SAMD5: variants seen among roughly 807,000 people sequenced by gnomAD.
SAMD5 encodes the protein sterile alpha motif domain-containing protein 5.
A neutral mutation model predicts 11.3 loss-of-function variants in SAMD5; 13 were observed. The ratio of observed to expected loss-of-function variants is 1.15; its 90% confidence interval spans 0.75 to 1.83. SAMD5 has a LOEUF of 1.83. SAMD5 is among the 40% of genes most tolerant of loss of function. The pLI, the probability that SAMD5 is intolerant of heterozygous loss-of-function variation, is 0.00. For missense variants in SAMD5, 255 were observed against 239.1 expected (o/e 1.07, Z -0.44); for synonymous variants, 129 against 111.3 (o/e 1.16, Z -1.00).
At chr6:147,909,805 C>G in the SAMD5 span, among the ~76,000 whole-genome samples, 2 of 151,944 alleles carry the variant, frequency 1.3e-5, no homozygotes, top group African/African-American at 4.8e-5. Context: ...CTATCCAGCT[C>G]TTTAGAGAAA....
At chr6:147,795,834 T>C in the SAMD5 span, among the ~76,000 whole-genome samples, 1 of 152,090 alleles carries the variant, frequency 6.6e-6, no homozygotes. Context: ...GAGCATTTTT[T>C]CATGTGTTTT....
chr6:147,637,040 C>A (rs558451425), intron 1 of SAMD5, among the ~76,000 whole-genome samples: 1 of 152,144 alleles, frequency 6.6e-6, no homozygotes, highest in African/African-American at 2.4e-5. Context: ...GCAGGAGTGG[C>A]AGCAGGCCCC....
intron 1 of SAMD5, among the ~76,000 whole-genome samples, chr6:147,717,685 T>TA (rs1393648356): frequency 6.6e-6 from 1 of 152,076 alleles, no homozygotes; most frequent in African/African-American, 2.4e-5. Flanking sequence ...CTGTTTCTAC[T>TA]AAAAAATACA....
the SAMD5 span, among the ~76,000 whole-genome samples, chr6:147,878,186 G>A: frequency 6.6e-6 from 1 of 151,952 alleles, no homozygotes; most frequent in South Asian, 2.1e-4. Context: ...AGTTCCAGGG[G>A]CTGGGAAGTC....
chr6:147,640,081 A>G (rs1056087986), intron 1 of SAMD5, among the ~76,000 whole-genome samples: 3 of 152,048 alleles, frequency 2.0e-5, no homozygotes, highest in Non-Finnish European at 4.4e-5. Context: ...TAAATCCAGC[A>G]CTTTGGGAGG....
At chr6:147,660,208 T>C (rs754726257) in intron 1 of SAMD5, among the ~76,000 whole-genome samples, 1 of 152,252 alleles carries the variant, frequency 6.6e-6, no homozygotes, top group Non-Finnish European at 1.5e-5. Flanking sequence ...ACTGTATATA[T>C]GTGAATGTCT....
intron 1 of SAMD5, among the ~76,000 whole-genome samples, chr6:147,691,932 G>A: frequency 6.6e-6 from 1 of 151,956 alleles, no homozygotes; most frequent in South Asian, 2.1e-4. Context: ...AATTTGAAGA[G>A]TTACAGCCTC....
At chr6:147,818,778 C>A in the SAMD5 span, among the ~76,000 whole-genome samples, 1 of 152,114 alleles carries the variant, frequency 6.6e-6, no homozygotes, top group African/African-American at 2.4e-5. Context: ...TAGTGATAAT[C>A]CAGAATGCAC....
At chr6:147,645,253 C>A (rs1257838948) in intron 1 of SAMD5, among the ~76,000 whole-genome samples, 1 of 152,110 alleles carries the variant, frequency 6.6e-6, no homozygotes, top group Non-Finnish European at 1.5e-5. Flanking sequence ...GGTCACTGGG[C>A]CTGACATATT....
the SAMD5 span, among the ~76,000 whole-genome samples, chr6:147,867,564 C>T: frequency 2.0e-4 from 31 of 152,264 alleles, no homozygotes; most frequent in Admixed American, 1.8e-3. Flanking sequence ...GCTGACCCTG[C>T]GTCTCCCCTC....
chr6:147,611,027 G>A (rs1239115847), intron 1 of SAMD5, among the ~76,000 whole-genome samples: 15 of 151,804 alleles, frequency 9.9e-5, no homozygotes, highest in African/African-American at 3.6e-4. Flanking sequence ...ATGCCACGAC[G>A]CCCGGCTAAT....
At chr6:147,576,266 G>T (rs761020724) in intron 1 of SAMD5, among the ~76,000 whole-genome samples, 1 of 151,476 alleles carries the variant, frequency 6.6e-6, no homozygotes, top group Admixed American at 6.6e-5. Flanking sequence ...TCAGCCTCTT[G>T]AGTAGCTGGG....
intron 1 of SAMD5, among the ~76,000 whole-genome samples, chr6:147,549,647 ACT>A (rs1442367829): frequency 1.3e-5 from 2 of 151,284 alleles, no homozygotes; most frequent in Non-Finnish European, 2.9e-5. Flanking sequence ...CCTTCCTTTT[ACT>A]CTCTAGGATC....
chr6:147,543,500 A>T (rs1386482365), intron 1 of SAMD5, among the ~76,000 whole-genome samples: 1 of 152,242 alleles, frequency 6.6e-6, no homozygotes, highest in Non-Finnish European at 1.5e-5. Flanking sequence ...TACCCACATT[A>T]TGCAGGATAT....
At chr6:147,842,857 T>A in the SAMD5 span, among the ~76,000 whole-genome samples, 1 of 152,202 alleles carries the variant, frequency 6.6e-6, no homozygotes, top group Non-Finnish European at 1.5e-5. Context: ...TTATTTAACA[T>A]GTCAAAAATA....
chr6:147,842,661 A>G, the SAMD5 span, among the ~76,000 whole-genome samples: 2 of 152,174 alleles, frequency 1.3e-5, no homozygotes, highest in Admixed American at 6.6e-5. Flanking sequence ...TGACTCAGCC[A>G]TAGAATTTAT....
intron 1 of SAMD5, among the ~76,000 whole-genome samples, chr6:147,563,022 A>G (rs1267230524): frequency 6.6e-6 from 1 of 152,156 alleles, no homozygotes; most frequent in African/African-American, 2.4e-5. Flanking sequence ...TGGGTTGCAT[A>G]TGGCTTTATT....
At chr6:147,670,853 A>G (rs759796736) in intron 1 of SAMD5, among the ~76,000 whole-genome samples, 3 of 152,270 alleles carry the variant, frequency 2.0e-5, no homozygotes, top group Non-Finnish European at 4.4e-5. Flanking sequence ...TCACCGTAGT[A>G]GCACTTTACA....
chr6:147,861,981 G>C, the SAMD5 span, among the ~76,000 whole-genome samples: 1 of 152,130 alleles, frequency 6.6e-6, no homozygotes, highest in Non-Finnish European at 1.5e-5. Flanking sequence ...AGCTCAGAAA[G>C]GGGGAGGTCC....
Sources: gnomAD v4.1 joint callset for allele counts (sites outside exome capture counted in the v4.1 genomes callset) on GRCh38, gnomAD v4.1.1 for gene constraint, MANE v1.5 for transcripts, NCBI Gene and HGNC (gene_info 2026-07-23, HGNC 2026-07-21) for gene names.